Variants in PCDHA12 observed in about 807,000 individuals in gnomAD.
The protein encoded by PCDHA12 is protocadherin alpha 12.
PCDHA12 carries 44 observed loss-of-function variants against 60.0 expected under a neutral mutation model. The observed-to-expected ratio is 0.73, with a 90% CI of 0.58 to 0.94. The LOEUF (loss-of-function observed/expected upper bound fraction) is 0.94, where lower values mean the gene tolerates loss of function less well. Ranked by LOEUF, PCDHA12 falls within the 40% of genes least tolerant of loss-of-function variation. The pLI, the probability that PCDHA12 is intolerant of heterozygous loss-of-function variation, is 0.00. For synonymous variants in PCDHA12, 569 were observed against 553.0 expected, an observed-to-expected ratio of 1.03 and a Z score of -0.40; for missense variants, 1,276 against 1,239.7, an observed-to-expected ratio of 1.03 and a Z score of -0.44.
chr5:140,938,500 T>C (rs1450018538), intron 1 of PCDHA12, among the ~76,000 whole-genome samples: 2 of 152,156 alleles, frequency 1.3e-5, no homozygotes, highest in Non-Finnish European at 2.9e-5. Context: ...AGGCATTGAA[T>C]TTATCACATA....
chr5:140,996,630 A>G (rs765477034), intron 3 of PCDHA12, among the ~76,000 whole-genome samples: 10 of 152,210 alleles, frequency 6.6e-5, no homozygotes, highest in Non-Finnish European at 1.5e-4. Flanking sequence ...TGGTTCCTGC[A>G]AATTATGTAG....
At chr5:140,969,552 T>A in intron 1 of PCDHA12, 1 of 1,234,382 alleles carries the variant, frequency 8.1e-7, no homozygotes, top group Non-Finnish European at 1.1e-6. Flanking sequence ...CATGAAGCCT[T>A]GTCCATAAAA....
chr5:140,906,023 G>A (rs952070346), intron 1 of PCDHA12, among the ~76,000 whole-genome samples: 7 of 152,128 alleles, frequency 4.6e-5, no homozygotes, highest in Admixed American at 3.3e-4. Flanking sequence ...ATCTCTCCAC[G>A]TTCTTCTGTC....
At position 140,875,768 on chromosome 5, in the gene PCDHA12, G is replaced by A. The variant is rs997656321; in HGVS notation, c.296G>A (p.Ser99Asn). The change falls in exon 1 of 4, where the codon AGC (serine) becomes AAC (asparagine). Residue 99 changes from serine to asparagine, a missense_variant. By Grantham distance (46) the Ser-to-Asn change is conservative. Transcript: ENST00000398631. ...GACCGCGAGAAGCTGTGCGGGCGGAGCGCGGAGTGCAGTATCCACCTGGAG... is the reference window on the plus strand; with the variant it reads ...GACCGCGAGAAGCTGTGCGGGCGGAACGCGGAGTGCAGTATCCACCTGGAG... ...RIDREKLCGR[S>N]AECSIHLEVI... 6.2e-7 allele frequency: 1 copy of A among 1,614,262 alleles called. No individual in the cohort carries two copies. The highest frequency in any genetic ancestry group is 8.5e-7 in the Non-Finnish European group (1 of 1,180,054).
At position 140,875,561 on chromosome 5, in the gene PCDHA12, A is replaced by G; in HGVS notation, c.89A>G (p.Gln30Arg). ...LLAAWEVGSGQLHYSVYEEAK... is the reference protein window; with the variant it reads ...LLAAWEVGSGRLHYSVYEEAK... ...GCAGCCTGGGAGGTGGGGAGCGGCCAGCTCCACTACTCCGTCTACGAGGAG... is the reference window on the plus strand; with the variant it reads ...GCAGCCTGGGAGGTGGGGAGCGGCCGGCTCCACTACTCCGTCTACGAGGAG... Residue 30 changes from glutamine to arginine, a missense_variant, in exon 1 of 4, where the codon CAG (glutamine) becomes CGG (arginine). By Grantham distance (43) the Gln-to-Arg change is conservative (BLOSUM62 1). Transcript: ENST00000398631. The G allele has an allele frequency of 6.2e-7, 1 of 1,614,128 alleles. No individual in the cohort carries two copies. The highest frequency in any genetic ancestry group is 8.5e-7 in the Non-Finnish European group (1 of 1,180,026).
At chr5:140,967,989 T>G (rs781892084) in intron 1 of PCDHA12, 2 of 1,614,228 alleles carry the variant, frequency 1.2e-6, no homozygotes, top group Non-Finnish European at 1.7e-6. Flanking sequence ...GAGGCCACAC[T>G]GCCTTTCCGA....
intron 1 of PCDHA12, among the ~76,000 whole-genome samples, chr5:140,912,895 A>G (rs781884731): frequency 4.6e-5 from 7 of 152,212 alleles, no homozygotes; most frequent in Non-Finnish European, 1.0e-4. Context: ...TGTTGATATG[A>G]TGTATCATAT....
chr5:140,967,030 C>T, intron 1 of PCDHA12: 1 of 1,609,320 alleles, frequency 6.2e-7, no homozygotes, highest in Non-Finnish European at 8.5e-7. Flanking sequence ...CCAGTCCGCG[C>T]TACCTGGAGC....
chr5:140,895,838 TCTCA>T (rs1554186667), intron 1 of PCDHA12, among the ~76,000 whole-genome samples: 2 of 152,136 alleles, frequency 1.3e-5, no homozygotes, highest in Admixed American at 1.3e-4. Context: ...TCAGACAAAG[TCTCA>T]CTCTTGTACC....
chr5:140,981,687 A>ATCAT (rs200213847), intron 2 of PCDHA12, among the ~76,000 whole-genome samples: 1,547 of 152,086 alleles, frequency 0.01, 18 homozygotes, highest in African/African-American at 0.031. Flanking sequence ...CCTCCCTTCC[A>ATCAT]TCATTCATTC....
intron 1 of PCDHA12, among the ~76,000 whole-genome samples, chr5:140,898,157 G>A (rs1455235992): frequency 1.3e-5 from 2 of 152,162 alleles, no homozygotes; most frequent in South Asian, 4.1e-4. Context: ...CACGCTGATG[G>A]TGGTTTCTTT....
rs2153340874 is a variant in PCDHA12, at chr5:140,876,450, G to T, written c.978G>T (p.Gly326=). ...TTCAGGTTAACGCCATTGATAAAGG[G>T]ATTCCTTCCATGGCAGGTCACAGCA... The part of the protein sequence containing the change: ...YEIQVNAIDK[G]IPSMAGHSMV... The change falls in exon 1 of 4, where the codon GGG becomes GGT. Residue 326 remains glycine, a synonymous_variant. Transcript: ENST00000398631. 1 of 1,614,012 alleles carries T rather than the reference G, an allele frequency of 6.2e-7. No homozygotes were observed. Among genetic ancestry groups the T allele is most frequent in the Non-Finnish European group, 8.5e-7 (1 of 1,179,898 alleles).
At chr5:140,881,259 C>A in intron 1 of PCDHA12, 1 of 524,594 alleles carries the variant, frequency 1.9e-6, no homozygotes, top group Non-Finnish European at 2.4e-6. Flanking sequence ...AGGTTTTACT[C>A]AGTGATGATG....
At chr5:141,000,421 AT>A (rs34755515) in intron 3 of PCDHA12, among the ~76,000 whole-genome samples, 491 of 27,806 alleles carry the variant, frequency 0.018, 4 homozygotes, top group South Asian at 0.021. Flanking sequence ...ATATATATAT[AT>A]TTTTTTTTTT....
At chr5:140,879,025 A>G (rs557183400) in intron 1 of PCDHA12, among the ~76,000 whole-genome samples, 36 of 152,342 alleles carry the variant, frequency 2.4e-4, no homozygotes, top group African/African-American at 8.7e-4. Flanking sequence ...TGTTTTATTG[A>G]AGAGTGTCTT....
At chr5:140,993,521 G>C (rs1554253818) in intron 3 of PCDHA12, among the ~76,000 whole-genome samples, 4 of 151,128 alleles carry the variant, frequency 2.6e-5, no homozygotes, top group Admixed American at 2.0e-4. Flanking sequence ...GGGAGAGAGA[G>C]ACAGAGAGAG....
chr5:140,907,705 G>A (rs2073545190), intron 1 of PCDHA12, among the ~76,000 whole-genome samples: 1 of 152,204 alleles, frequency 6.6e-6, no homozygotes, highest in Non-Finnish European at 1.5e-5. Context: ...CCCTGTTGCT[G>A]AGCCCATGTG....
chr5:140,916,046 C>T (rs2077416983), intron 1 of PCDHA12, among the ~76,000 whole-genome samples: 1 of 152,202 alleles, frequency 6.6e-6, no homozygotes, highest in Admixed American at 6.5e-5. Context: ...TTTCCACAGG[C>T]AGAGGTGCCT....
chr5:140,918,494 G>A (rs1252984580), intron 1 of PCDHA12, among the ~76,000 whole-genome samples: 2 of 152,098 alleles, frequency 1.3e-5, no homozygotes, highest in Non-Finnish European at 2.9e-5. Context: ...GCTTTGGATG[G>A]TACCAATCCT....
Sources: allele counts gnomAD v4.1 joint callset (sites outside exome capture counted in the v4.1 genomes callset), GRCh38; gene constraint gnomAD v4.1.1; transcripts MANE v1.5; gene names NCBI Gene and HGNC (gene_info 2026-07-23, HGNC 2026-07-21).